The following HS6ST2 variants were observed in gnomAD, a reference collection of about 807,000 sequenced individuals.
HS6ST2 encodes the protein heparan sulfate 6-O-sulfotransferase 2.
In HS6ST2, 17 loss-of-function variants were observed where a neutral mutation model predicts 33.0. That is an observed-to-expected ratio of 0.52 (90% CI 0.35 to 0.77). HS6ST2 has a LOEUF of 0.77. Ranked by LOEUF, HS6ST2 falls within the 30% of genes least tolerant of loss-of-function variation. The pLI is 0.01. For synonymous variants in HS6ST2, 248 were observed against 237.1 expected (o/e 1.05, Z -0.42); for missense variants, 519 against 551.7 (o/e 0.94, Z 0.59).
chrX:132,631,366 A>G (rs2063515834), intron 4 of HS6ST2, among the ~76,000 whole-genome samples: 1 of 111,803 alleles, frequency 8.9e-6, no homozygotes, highest in Admixed American at 9.5e-5. Flanking sequence ...CACTTGTCTC[A>G]CTACTTTCCC....
chrX:132,692,361 A>G (rs1231899578), intron 3 of HS6ST2, among the ~76,000 whole-genome samples: 6 of 110,978 alleles, frequency 5.4e-5, no homozygotes, highest in Non-Finnish European at 9.4e-5. Context: ...TGGTGAGAGT[A>G]TGGTATTTAT....
In HS6ST2 at chrX:132,640,314, G is replaced by T. The variant is rs776217046; in HGVS notation, c.1068-11221C>A. ...GACTGTATTATGGTCATCAAGGAAG[G>T]CTTCATAGAAGAGGAGGAATATGAT... On this transcript the variant is annotated intron_variant, in intron 4 of 4. Transcript: ENST00000370833. 6.4e-4 allele frequency among the ~76,000 whole-genome samples: 71 copies of T among 110,937 alleles called. 1 individual carries two copies. The South Asian group carries it at 0.011, about 18-fold the overall frequency.
At chrX:132,754,472 A>G (rs1418306978) in intron 2 of HS6ST2, among the ~76,000 whole-genome samples, 1 of 104,531 alleles carries the variant, frequency 9.6e-6, no homozygotes, top group Non-Finnish European at 1.9e-5. Context: ...GTTGGAGTGC[A>G]GTGGAGCAAT....
chrX:132,928,076 C>A (rs2066728220), intron 2 of HS6ST2, among the ~76,000 whole-genome samples: 1 of 107,500 alleles, frequency 9.3e-6, no homozygotes, highest in African/African-American at 3.4e-5. Context: ...ATGGCAAAAG[C>A]AGGAGGAGGA....
chrX:132,683,298 C>T (rs1284376086), intron 3 of HS6ST2, among the ~76,000 whole-genome samples: 1 of 112,170 alleles, frequency 8.9e-6, no homozygotes, highest in Non-Finnish European at 1.9e-5. Context: ...GGAGAACCAA[C>T]TGCTTTCAGG....
chrX:132,908,195 T>G lies in HS6ST2; in HGVS notation c.947+48613A>C, dbSNP rs1473321477. Reference sequence around the variant, plus strand: ...TAATTAATCATTAGGAAAATGCAAATCAAAACTTCAGTGAGGTAACCCTTC... The same window carrying G: ...TAATTAATCATTAGGAAAATGCAAAGCAAAACTTCAGTGAGGTAACCCTTC... On this transcript the variant is annotated intron_variant, in intron 2 of 4. Coordinates refer to ENST00000370833, the MANE Select transcript of HS6ST2 (RefSeq NM_001394073.1). Among the ~76,000 whole-genome samples, 3 of 109,535 alleles carry G rather than the reference T, an allele frequency of 2.7e-5. No individual in the cohort carries two copies. In the Admixed American group the frequency reaches 3.0e-4, roughly 11 times the overall value.
chrX:132,956,657 G>A lies in HS6ST2; in HGVS notation c.947+151C>T, dbSNP rs188977817. On this transcript the variant is annotated intron_variant, in intron 2 of 4. Coordinates refer to ENST00000370833, the MANE Select transcript of HS6ST2 (RefSeq NM_001394073.1). Reference sequence around the variant, plus strand: ...CTGTGGCCGCCACAGCGCGGCGAACGTGCGCTACTGGGCGCCCAGCACCTG... The same window carrying A: ...CTGTGGCCGCCACAGCGCGGCGAACATGCGCTACTGGGCGCCCAGCACCTG... 3.6e-3 allele frequency: 2,117 copies of A among 591,559 alleles called. 38 individuals are homozygous for A. In the African/African-American group the frequency reaches 0.046, roughly 13 times the overall value. The allele number at this position is 591,559 out of a possible 1,213,427, so 48.8% of individuals were successfully genotyped here. A position where few individuals can be genotyped will look rare whatever the true frequency, so the allele number is the denominator to read the frequency against.
chrX:132,694,146 G>A (rs1273947304), intron 3 of HS6ST2, among the ~76,000 whole-genome samples: 4 of 111,564 alleles, frequency 3.6e-5, no homozygotes, highest in Non-Finnish European at 5.6e-5. Context: ...AACAGCACCA[G>A]ACTCGAGCGG....
At chrX:132,712,389 C>T (rs1006581290) in intron 2 of HS6ST2, among the ~76,000 whole-genome samples, 1 of 112,006 alleles carries the variant, frequency 8.9e-6, no homozygotes, top group Non-Finnish European at 1.9e-5. Flanking sequence ...TTAATACATG[C>T]TAAATTTTAT....
chrX:132,865,734 G>C (rs1231145175), intron 2 of HS6ST2, among the ~76,000 whole-genome samples: 1 of 112,418 alleles, frequency 8.9e-6, no homozygotes, highest in African/African-American at 3.2e-5. Context: ...GCCAGTGATG[G>C]TGAGCATTAT....
Position 132,830,147 on chromosome X carries a change from T to A in HS6ST2, c.948-121653A>T, listed in dbSNP as rs372180233. Among the ~76,000 whole-genome samples the A allele has an allele frequency of 1.8e-4, 20 of 112,012 alleles. No individual in the cohort carries two copies. In the East Asian group the frequency reaches 5.6e-3, roughly 32 times the overall value. On this transcript the variant is annotated intron_variant, in intron 2 of 4. Coordinates refer to ENST00000370833, the MANE Select transcript of HS6ST2 (RefSeq NM_001394073.1). The stretch of plus-strand genomic sequence containing the variant: ...TGCCCTTAACAACTGCATCAGGTAA[T>A]TGGTATCAAGCCAGACAAATTAATA...
intron 3 of HS6ST2, among the ~76,000 whole-genome samples, chrX:132,679,667 C>A (rs763046763): frequency 9.1e-6 from 1 of 109,515 alleles, no homozygotes; most frequent in East Asian, 2.9e-4. Context: ...GTGGGAATTT[C>A]CTCTTCCTAT....
chrX:132,917,372 G>A (rs950915715), intron 2 of HS6ST2, among the ~76,000 whole-genome samples: 20 of 111,463 alleles, frequency 1.8e-4, no homozygotes, highest in Non-Finnish European at 3.6e-4. Flanking sequence ...GCTGAGGCGG[G>A]CGGATCACTT....
upstream of HS6ST2, chrX:132,958,684 G>A: frequency 1.1e-6 from 1 of 923,066 alleles, no homozygotes; most frequent in Non-Finnish European, 1.5e-6. Flanking sequence ...CTAAGAGCTC[G>A]AGCCACTTCA....
At chrX:132,851,576 A>G (rs928707232) in intron 2 of HS6ST2, among the ~76,000 whole-genome samples, 2 of 112,574 alleles carry the variant, frequency 1.8e-5, no homozygotes, top group African/African-American at 6.5e-5. Context: ...AATGTGGGCA[A>G]TGGAAACAAT....
intron 3 of HS6ST2, among the ~76,000 whole-genome samples, chrX:132,685,283 T>C (rs1299810136): frequency 8.9e-6 from 1 of 112,092 alleles, no homozygotes; most frequent in Non-Finnish European, 1.9e-5. Flanking sequence ...TCTGACATCA[T>C]GTATTTGGCC....
chrX:132,786,012 AG>A (rs1231836986), intron 2 of HS6ST2, among the ~76,000 whole-genome samples: 1 of 111,496 alleles, frequency 9.0e-6, no homozygotes, highest in East Asian at 2.8e-4. Flanking sequence ...GTGACCCCAT[AG>A]GCAAGTCACT....
At chrX:132,778,470 G>A (rs979963792) in intron 2 of HS6ST2, among the ~76,000 whole-genome samples, 7 of 111,057 alleles carry the variant, frequency 6.3e-5, no homozygotes, top group Non-Finnish European at 1.3e-4. Flanking sequence ...CATAATCTTG[G>A]CTCACTGCAA....
At chrX:132,709,449 T>C (rs1020346710) in intron 2 of HS6ST2, among the ~76,000 whole-genome samples, 8 of 111,606 alleles carry the variant, frequency 7.2e-5, no homozygotes, top group Admixed American at 2.9e-4. Context: ...AGCAGAGCCT[T>C]TGAATCATCA....
Sources: gnomAD v4.1 joint callset for allele counts (sites outside exome capture counted in the v4.1 genomes callset) on GRCh38, gnomAD v4.1.1 for gene constraint, MANE v1.5 for transcripts, NCBI Gene and HGNC (gene_info 2026-07-23, HGNC 2026-07-21) for gene names.